The following CEMIP2 variants were observed in gnomAD, a reference collection of about 807,000 sequenced individuals.
CEMIP2 encodes cell surface hyaluronidase CEMIP2.
In CEMIP2, 79 loss-of-function variants were observed where a neutral mutation model predicts 146.9. That is an observed-to-expected ratio of 0.54 (90% confidence interval 0.45 to 0.65). The LOEUF is 0.65. CEMIP2 is among the 30% of genes least tolerant of loss of function. The pLI, the probability that CEMIP2 is intolerant of heterozygous loss-of-function variation, is 0.00. For missense variants in CEMIP2, 1,596 were observed against 1,696.2 expected (o/e 0.94, Z 1.04); for synonymous variants, 601 against 606.3 (o/e 0.99, Z 0.13).
intron 17 of CEMIP2, 197 bp from the exon 18 acceptor site, chr9:71,705,000 G>A: frequency 1.8e-6 from 1 of 567,208 alleles, no homozygotes; most frequent in South Asian, 2.2e-5. Context: ...GGTAAAAACA[G>A]ACCATGTGCT....
chr9:71,685,932 C>A, intron 22 of CEMIP2, 86 bp from the exon 23 acceptor site: 1 of 919,672 alleles, frequency 1.1e-6, no homozygotes, highest in Admixed American at 2.2e-5. Context: ...GAACTGACTG[C>A]TGAATAGAAA....
chr9:71,699,856 CA>C lies in CEMIP2; in HGVS notation c.3377+785del, dbSNP rs375495467. 4.4e-3 allele frequency among the ~76,000 whole-genome samples: 666 copies of C among 152,348 alleles called. 5 individuals carry two copies. The highest frequency in any genetic ancestry group is 0.015 in the African/African-American group (622 of 41,578). ...GTTACTCTAGGCTGAACTTCTGAGG[CA>C]ATCCAAAAGCCACATTGAATATAGA... On this transcript the variant is annotated intron_variant, in intron 19 of 23. Transcript: ENST00000377044.
At chr9:71,690,345 T>G (rs1320679381) in intron 21 of CEMIP2, 99 bp from the exon 22 acceptor site, 2 of 1,360,296 alleles carry the variant, frequency 1.5e-6, no homozygotes, top group African/African-American at 2.9e-5. Context: ...TCTAAACCCA[T>G]GATTCAAAGT....
chr9:71,710,160 A>G (rs1822865938), intron 16 of CEMIP2, among the ~76,000 whole-genome samples: 1 of 152,216 alleles, frequency 6.6e-6, no homozygotes, highest in South Asian at 2.1e-4. Flanking sequence ...CAATTTTCAC[A>G]TCCAGTAGAG....
chr9:71,763,784 A>G (rs1824707319), intron 1 of CEMIP2, among the ~76,000 whole-genome samples: 1 of 152,254 alleles, frequency 6.6e-6, no homozygotes, highest in Non-Finnish European at 1.5e-5. Context: ...GTTGGGAGAT[A>G]GCAATTCTGT....
chr9:71,764,485 T>C (rs943745312), intron 1 of CEMIP2, among the ~76,000 whole-genome samples: 3 of 152,140 alleles, frequency 2.0e-5, no homozygotes, highest in Admixed American at 6.5e-5. Flanking sequence ...TGGCTATTAA[T>C]TTACTATATG....
rs1823649668 is a variant in CEMIP2, at chr9:71,732,539, G to GA, written c.1394-20dup. The stretch of plus-strand genomic sequence containing the variant: ...GGGGTTTCTGGTTGATATGAGCAAG[G>GA]AAAAAAAAGAATATTAGAACAAAGA... On this transcript the variant is annotated intron_variant, in intron 6 of 23. Transcript: ENST00000377044. 23 of 1,560,346 alleles carry GA rather than the reference G, an allele frequency of 1.5e-5. No individual in the cohort carries two copies. The highest frequency in any genetic ancestry group is 1.7e-4 in the Middle Eastern group (1 of 5,778).
intron 15 of CEMIP2, 78 bp from the exon 16 acceptor site, chr9:71,712,338 C>T: frequency 7.0e-7 from 1 of 1,428,442 alleles, no homozygotes; most frequent in Non-Finnish European, 9.6e-7. Flanking sequence ...TTTATGAAGA[C>T]AGCTAAATAT....
chr9:71,750,263 G>A lies in CEMIP2; in HGVS notation c.111C>T (p.Pro37=). 2 of 1,614,076 alleles carry A rather than the reference G, an allele frequency of 1.2e-6. No individual in the cohort carries two copies. The highest frequency in any genetic ancestry group is 1.7e-6 in the Non-Finnish European group (2 of 1,179,988). The change falls in exon 2 of 24, where the codon CCC becomes CCT. Residue 37 remains proline, a synonymous_variant. Transcript: ENST00000377044. ...AAGCTTGACTCTTTGGAGGAGGAGG[G>A]GGACGCAATGGGACAACCTTCCCTG... ...YVPGKVVPLR[P]PPPPKSQASA... is the part of the protein sequence containing the mutation.
chr9:71,698,587 G>A lies in CEMIP2; in HGVS notation c.3378-383C>T, dbSNP rs763059850. Among the ~76,000 whole-genome samples, 13 of 122,904 alleles carry A rather than the reference G, an allele frequency of 1.1e-4. No individual in the cohort carries two copies. In the Admixed American group the frequency reaches 1.1e-3, roughly 10 times the overall value. 80.6% of individuals were successfully genotyped at this position (122,904 alleles called of 152,430 possible). A position where few individuals can be genotyped will look rare whatever the true frequency, so the allele number is the denominator to read the frequency against. On this transcript the variant is annotated intron_variant, in intron 19 of 23. Transcript: ENST00000377044. ...ATTAGTGTGGTTCATTCTTTTTGTT[G>A]TTCTCATTCATAAATCATTTTGGTT...
intron 15 of CEMIP2, among the ~76,000 whole-genome samples, chr9:71,713,047 C>T (rs1019487010): frequency 2.6e-5 from 4 of 152,150 alleles, no homozygotes; most frequent in African/African-American, 7.2e-5. Flanking sequence ...TGAAAACCTT[C>T]GCATCATGAT....
chr9:71,748,317 C>A (rs910796834), intron 2 of CEMIP2, among the ~76,000 whole-genome samples: 16 of 152,180 alleles, frequency 1.1e-4, no homozygotes, highest in Non-Finnish European at 2.1e-4. Context: ...GCCAACCCCA[C>A]CTTCCCAGCT....
chr9:71,700,755 C>T lies in CEMIP2; in HGVS notation c.3264G>A (p.Leu1088=), dbSNP rs369494152. The change falls in exon 19 of 24, where the codon TTG becomes TTA. Residue 1088 remains leucine, a synonymous_variant. Transcript: ENST00000377044. ...NTSFQVTFGY[L]QRQNGSLSKI... ...TGGATAATGAGCCATTCTGCCGCTG[C>T]AAATAGCCAAAGGTAACTTGAAAAC... 6.2e-7 allele frequency: 1 copy of T among 1,614,112 alleles called. No individual in the cohort carries two copies. The highest frequency in any genetic ancestry group is 1.3e-5 in the African/African-American group (1 of 75,050).
intron 21 of CEMIP2, among the ~76,000 whole-genome samples, chr9:71,693,122 A>G (rs1822282459): frequency 6.6e-6 from 1 of 152,216 alleles, no homozygotes; most frequent in African/African-American, 2.4e-5. Context: ...ACTTTATGAC[A>G]ATAAAAAAAT....
chr9:71,752,318 A>C (rs1244272183), intron 1 of CEMIP2, among the ~76,000 whole-genome samples: 1 of 151,452 alleles, frequency 6.6e-6, no homozygotes, highest in Non-Finnish European at 1.5e-5. Flanking sequence ...TAAACTATAC[A>C]TGCTTCATTT....
chr9:71,744,030 C>G (rs1344874641), intron 4 of CEMIP2, among the ~76,000 whole-genome samples: 2 of 152,180 alleles, frequency 1.3e-5, no homozygotes, highest in African/African-American at 4.8e-5. Context: ...GTTAGGTCGG[C>G]TACTTCCCCT....
At position 71,685,260 on chromosome 9, in the gene CEMIP2, G is replaced by A. The variant is rs1183540588; in HGVS notation, c.4089C>T (p.Pro1363=). 6.2e-7 allele frequency: 1 copy of A among 1,613,766 alleles called. No individual in the cohort carries two copies. The highest frequency in any genetic ancestry group is 8.5e-7 in the Non-Finnish European group (1 of 1,179,928). The change falls in exon 24 of 24, where the codon CCC becomes CCT. Residue 1363 remains proline, a synonymous_variant. Transcript: ENST00000377044. ...CTCTTCTGCGGACAGTGGTGGCTCT[G>A]GGACAACCATATTCGTCCAGCTGCA... ...IPLQLDEYGC[P]RATTVRRRDL...
At chr9:71,685,484 G>C in intron 23 of CEMIP2, 91 bp from the exon 24 acceptor site, 2 of 1,335,400 alleles carry the variant, frequency 1.5e-6, no homozygotes, top group Non-Finnish European at 2.0e-6. Context: ...TCGGAGGTGA[G>C]CAAAACAAAG....
intron 18 of CEMIP2, among the ~76,000 whole-genome samples, chr9:71,702,029 A>G (rs2131883380): frequency 6.6e-6 from 1 of 152,240 alleles, no homozygotes; most frequent in African/African-American, 2.4e-5. Flanking sequence ...AGGCTGAGGT[A>G]GGTGGATTAC....
Sources: allele counts gnomAD v4.1 joint callset (sites outside exome capture counted in the v4.1 genomes callset), GRCh38; gene constraint gnomAD v4.1.1; transcripts MANE v1.5; gene names NCBI Gene and HGNC (gene_info 2026-07-23, HGNC 2026-07-21).